MALRD1: variants seen among roughly 807,000 people sequenced by gnomAD.
MALRD1 encodes the protein MAM and LDL receptor class A domain containing 1.
MALRD1 carries 247 observed loss-of-function variants against 242.1 expected under a neutral mutation model. The observed-to-expected ratio is 1.02, with a 90% CI of 0.92 to 1.13. The LOEUF is 1.13. Among genes scored for constraint, MALRD1 ranks in the 50% most tolerant of loss-of-function variants. The probability of loss-of-function intolerance (pLI) is 0.00; values close to 1 mark genes in which losing one functional copy is unlikely to be tolerated. For missense variants in MALRD1, 2,989 were observed against 2,533.1 expected (o/e 1.18, Z -3.86); for synonymous variants, 995 against 866.6 (o/e 1.15, Z -2.60).
chr10:19,692,926 A>C (rs1833169099), intron 38 of MALRD1, among the ~76,000 whole-genome samples: 1 of 148,270 alleles, frequency 6.7e-6, no homozygotes, highest in Non-Finnish European at 1.5e-5. Flanking sequence ...CAACATACAC[A>C]AATCAATAAA....
At chr10:19,370,443 T>A (rs572938801) in intron 26 of MALRD1, among the ~76,000 whole-genome samples, 7 of 151,632 alleles carry the variant, frequency 4.6e-5, no homozygotes, top group African/African-American at 1.5e-4. Context: ...TCTATATTTT[T>A]AAAAAAATTG....
intron 26 of MALRD1, among the ~76,000 whole-genome samples, chr10:19,384,334 A>T (rs112254384): frequency 1.5e-4 from 19 of 128,188 alleles, no homozygotes; most frequent in Non-Finnish European, 2.5e-4. Flanking sequence ...TAGTATATAT[A>T]ATATAATTAC....
Position 19,498,493 on chromosome 10 carries a change from A to G in MALRD1, c.5167A>G (p.Thr1723Ala). The change falls in exon 31 of 40, where the codon ACA (threonine) becomes GCA (alanine). Residue 1723 changes from threonine to alanine, a missense_variant. Transcript: ENST00000454679. ...RSDEAHCAHY[T>A]STTGSCNFET... The stretch of plus-strand genomic sequence containing the variant: ...TGTTTTTGCTTCCCCAGCACATTAT[A>G]CAAGCACAACAGGAAGCTGCAATTT... 1 of 1,549,942 alleles carries G rather than the reference A, an allele frequency of 6.5e-7. No homozygotes were observed. The highest frequency in any genetic ancestry group is 8.7e-7 in the Non-Finnish European group (1 of 1,146,526).
At chr10:19,639,056 G>C (rs1445240485) in intron 36 of MALRD1, among the ~76,000 whole-genome samples, 3 of 151,976 alleles carry the variant, frequency 2.0e-5, no homozygotes, top group African/African-American at 7.3e-5. Context: ...CAAACCGAAA[G>C]TAAAAATTAG....
In MALRD1 at chr10:19,187,228, T is replaced by TG. The variant is rs563498143; in HGVS notation, c.1951+11904dup. Among the ~76,000 whole-genome samples the TG allele has an allele frequency of 2.8e-3, 428 of 152,192 alleles. 2 individuals are homozygous for TG. The highest frequency in any genetic ancestry group is 9.8e-3 in the African/African-American group (406 of 41,522). ...TAATATTAGGGCCCTGCTTCCTAGC[T>TG]GGGGACAGACTGACCCTTATAATGA... On this transcript the variant is annotated intron_variant, in intron 14 of 39. Transcript: ENST00000454679.
At chr10:19,216,558 AGT>A (rs1252736757) in intron 18 of MALRD1, among the ~76,000 whole-genome samples, 1 of 152,074 alleles carries the variant, frequency 6.6e-6, no homozygotes, top group African/African-American at 2.4e-5. Flanking sequence ...ATGTTATCAT[AGT>A]GTGTTATTTG....
At chr10:19,456,182 G>A (rs554786645) in intron 29 of MALRD1, among the ~76,000 whole-genome samples, 2 of 152,002 alleles carry the variant, frequency 1.3e-5, no homozygotes, top group South Asian at 4.1e-4. Flanking sequence ...TTCATACATA[G>A]CAAAACACTC....
chr10:19,543,096 A>G (rs1420286602), intron 32 of MALRD1, among the ~76,000 whole-genome samples: 1 of 152,158 alleles, frequency 6.6e-6, no homozygotes, highest in Non-Finnish European at 1.5e-5. Flanking sequence ...TAATTATTAC[A>G]TCCAGGGAGA....
intron 34 of MALRD1, among the ~76,000 whole-genome samples, chr10:19,606,066 C>A (rs1348095781): frequency 2.0e-5 from 3 of 151,898 alleles, no homozygotes; most frequent in African/African-American, 4.8e-5. Context: ...TTTTTTACGT[C>A]CAACTTTAAA....
chr10:19,146,092 G>T, intron 10 of MALRD1, 106 bp from the exon 11 acceptor site: 1 of 790,134 alleles, frequency 1.3e-6, no homozygotes, highest in Non-Finnish European at 1.7e-6. Flanking sequence ...TCACTACCAA[G>T]CAGAATAATT....
chr10:19,350,653 G>A (rs1253639177), intron 25 of MALRD1, among the ~76,000 whole-genome samples: 1 of 152,180 alleles, frequency 6.6e-6, no homozygotes, highest in Admixed American at 6.5e-5. Context: ...CTTGGAAATA[G>A]GGGTGTTGGT....
Position 19,323,944 on chromosome 10 carries a change from T to C in MALRD1, c.3420-5T>C. 1 of 1,550,448 alleles carries C rather than the reference T, an allele frequency of 6.4e-7. No individual in the cohort carries two copies. Among genetic ancestry groups the C allele is most frequent in the Non-Finnish European group, 8.7e-7 (1 of 1,146,706 alleles). On this transcript the variant is annotated splice_region_variant and splice_polypyrimidine_tract_variant and intron_variant, in intron 21 of 39. Transcript: ENST00000454679. ...CTTTTATAATATGATAAATTCCTTT[T>C]CCAGAAATACCACTGATGGCTGGTA...
At chr10:19,262,834 T>C (rs1465916121) in intron 19 of MALRD1, among the ~76,000 whole-genome samples, 4 of 152,302 alleles carry the variant, frequency 2.6e-5, no homozygotes, top group African/African-American at 9.6e-5. Context: ...CTCTGTACTC[T>C]GTTCTGTGAG....
At chr10:19,587,640 A>G (rs1250610335) in intron 33 of MALRD1, among the ~76,000 whole-genome samples, 6 of 152,262 alleles carry the variant, frequency 3.9e-5, no homozygotes, top group Admixed American at 3.9e-4. Flanking sequence ...TGCAAACATT[A>G]AATGAACAAT....
intron 31 of MALRD1, among the ~76,000 whole-genome samples, chr10:19,525,713 G>T (rs1834072025): frequency 6.6e-6 from 1 of 152,090 alleles, no homozygotes; most frequent in Non-Finnish European, 1.5e-5. Flanking sequence ...AATGAAAAGT[G>T]TCCAGAAAAT....
At chr10:19,463,756 G>A (rs1836070390) in intron 29 of MALRD1, among the ~76,000 whole-genome samples, 1 of 151,990 alleles carries the variant, frequency 6.6e-6, no homozygotes, top group Non-Finnish European at 1.5e-5. Flanking sequence ...TGGATCAAAT[G>A]GTATTTCTAC....
At chr10:19,650,167 A>C (rs1192476258) in intron 36 of MALRD1, among the ~76,000 whole-genome samples, 1 of 152,232 alleles carries the variant, frequency 6.6e-6, no homozygotes, top group Non-Finnish European at 1.5e-5. Context: ...GGATTAGCAG[A>C]TTACAGATGG....
intron 28 of MALRD1, among the ~76,000 whole-genome samples, chr10:19,389,966 T>C (rs1846267679): frequency 6.6e-6 from 1 of 152,100 alleles, no homozygotes; most frequent in South Asian, 2.1e-4. Context: ...CTGGCCCCTC[T>C]CTATAGGTGG....
intron 36 of MALRD1, among the ~76,000 whole-genome samples, chr10:19,655,526 G>A (rs901640381): frequency 1.7e-5 from 2 of 114,890 alleles, no homozygotes; most frequent in Non-Finnish European, 3.6e-5. Context: ...ATATATGTGT[G>A]AGTGTATATA....
Sources: gnomAD v4.1 joint callset for allele counts (sites outside exome capture counted in the v4.1 genomes callset) on GRCh38, gnomAD v4.1.1 for gene constraint, MANE v1.5 for transcripts, NCBI Gene and HGNC (gene_info 2026-07-23, HGNC 2026-07-21) for gene names.